Variants in MAML2 observed in about 807,000 individuals in gnomAD.
The protein encoded by MAML2 is mastermind like transcriptional coactivator 2.
In MAML2, 22 loss-of-function variants were observed where a neutral mutation model predicts 96.1. That is an observed-to-expected ratio of 0.23 (90% confidence interval 0.16 to 0.33). MAML2 has a LOEUF of 0.33. MAML2 is among the 10% of genes least tolerant of loss of function. The pLI, the probability that MAML2 is intolerant of heterozygous loss-of-function variation, is 1.00. For synonymous variants in MAML2, 561 were observed against 521.3 expected, an observed-to-expected ratio of 1.08 and a Z score of -1.04; for missense variants, 1,367 against 1,392.4, an observed-to-expected ratio of 0.98 and a Z score of 0.29.
intron 1 of MAML2, among the ~76,000 whole-genome samples, chr11:96,183,069 T>G (rs1861513667): frequency 6.6e-6 from 1 of 151,242 alleles, no homozygotes; most frequent in African/African-American, 2.4e-5. Flanking sequence ...GTGATTCTCC[T>G]GCCTCAGCCT....
intron 1 of MAML2, among the ~76,000 whole-genome samples, chr11:96,319,940 T>C (rs1014649504): frequency 6.6e-6 from 1 of 152,330 alleles, no homozygotes; most frequent in African/African-American, 2.4e-5. Flanking sequence ...AAGGAGGTGG[T>C]TGAGATTTTT....
rs537179849 is a variant in MAML2, at chr11:96,092,096, T to TTGC, written c.1932_1934dup (p.Gln665dup). 8.4e-6 allele frequency: 13 copies of TTGC among 1,548,844 alleles called. No individual in the cohort carries two copies. The highest frequency in any genetic ancestry group is 4.8e-5 in the South Asian group (4 of 83,718). Reference sequence around the variant, plus strand: ...GTTGTTGCTGCTGCTGCTGCTGTTGTTGCTGCTGCTGCTGCTGTTGGGCTG... The same window carrying TTGC: ...GTTGTTGCTGCTGCTGCTGCTGTTGTTGCTGCTGCTGCTGCTGCTGTTGGGCTG... On this transcript the variant is annotated inframe_insertion, in exon 2 of 5. Transcript: ENST00000524717. This position sits in a 1 kb window ranked among gnomAD's most constrained non-coding sequence, Gnocchi z 4.1.
At chr11:96,214,934 T>G (rs1862026909) in intron 1 of MAML2, among the ~76,000 whole-genome samples, 1 of 152,230 alleles carries the variant, frequency 6.6e-6, no homozygotes, top group Admixed American at 6.5e-5. Flanking sequence ...GAAAGAACCA[T>G]GTGTCTTTGG....
intron 2 of MAML2, among the ~76,000 whole-genome samples, chr11:96,015,774 C>G (rs950715090): frequency 6.6e-6 from 1 of 152,042 alleles, no homozygotes; most frequent in Non-Finnish European, 1.5e-5. Context: ...AAATTCTGAA[C>G]AAGTTAGTCC....
In MAML2 at chr11:96,243,205, C is replaced by T. The variant is rs151120333; in HGVS notation, c.513+98178G>A. On this transcript the variant is annotated intron_variant, in intron 1 of 4. Transcript: ENST00000524717. ...TATAGCTTCCTTGTCCTTCTCTCTT[C>T]CTTTCCGCTTTTAAATTCTGGAAAA... Among the ~76,000 whole-genome samples the T allele has an allele frequency of 1.3e-3, 202 of 152,310 alleles. 1 individual carries two copies. The highest frequency in any genetic ancestry group is 4.7e-3 in the African/African-American group (196 of 41,570).
chr11:96,060,704 C>T (rs1859143792), intron 2 of MAML2, among the ~76,000 whole-genome samples: 1 of 152,128 alleles, frequency 6.6e-6, no homozygotes, highest in South Asian at 2.1e-4. Flanking sequence ...AGTGCCATTT[C>T]AATGCTACTA....
At chr11:96,180,119 T>C (rs937387014) in intron 1 of MAML2, among the ~76,000 whole-genome samples, 1 of 152,160 alleles carries the variant, frequency 6.6e-6, no homozygotes, top group Non-Finnish European at 1.5e-5. Flanking sequence ...AAGAAGGTCA[T>C]AGCTGAAGAC....
intron 1 of MAML2, among the ~76,000 whole-genome samples, chr11:96,290,511 T>A (rs1863194258): frequency 6.6e-6 from 1 of 152,188 alleles, no homozygotes; most frequent in Non-Finnish European, 1.5e-5. Flanking sequence ...GCCAAACTGA[T>A]TGGTGAGACA....
chr11:95,997,739 A>G (rs17806593), intron 2 of MAML2, among the ~76,000 whole-genome samples: 32,828 of 152,082 alleles, frequency 0.22, 4,225 homozygotes, highest in Non-Finnish European at 0.3. Flanking sequence ...TGAGCTGTAC[A>G]CAAGTGGTCC....
chr11:96,038,939 A>G (rs1339048658), intron 2 of MAML2, among the ~76,000 whole-genome samples: 1 of 152,224 alleles, frequency 6.6e-6, no homozygotes, highest in Non-Finnish European at 1.5e-5. Context: ...AAATGAATGA[A>G]TGAATAAATA....
chr11:96,185,962 TAC>T (rs1257640372), intron 1 of MAML2, among the ~76,000 whole-genome samples: 1 of 152,164 alleles, frequency 6.6e-6, no homozygotes. Flanking sequence ...ACCTTTCAAA[TAC>T]AGACTCCCAG....
At chr11:96,100,057 C>A (rs1429957384) in intron 1 of MAML2, among the ~76,000 whole-genome samples, 1 of 152,164 alleles carries the variant, frequency 6.6e-6, no homozygotes, top group African/African-American at 2.4e-5. Flanking sequence ...GTGTATGAAG[C>A]TTTGTGATGG....
In MAML2 at chr11:96,138,924, A is replaced by G. The variant is rs374323761; in HGVS notation, c.514-45407T>C. Among the ~76,000 whole-genome samples, 584 of 152,302 alleles carry G rather than the reference A, an allele frequency of 3.8e-3. 4 individuals are homozygous for G. The highest frequency in any genetic ancestry group is 0.021 in the South Asian group (101 of 4,820). Reference sequence around the variant, plus strand: ...TCTTCTACCATAAAATGCTGGTAAGAAAGAGATTTCACAACCCATTCTAAA... The same window carrying G: ...TCTTCTACCATAAAATGCTGGTAAGGAAGAGATTTCACAACCCATTCTAAA... On this transcript the variant is annotated intron_variant, in intron 1 of 4. Coordinates refer to ENST00000524717, the MANE Select transcript of MAML2 (RefSeq NM_032427.4).
intron 2 of MAML2, among the ~76,000 whole-genome samples, chr11:96,016,869 T>C (rs550497472): frequency 1.2e-3 from 178 of 152,322 alleles, no homozygotes; most frequent in Non-Finnish European, 2.1e-3. Flanking sequence ...AGAAACTCTA[T>C]AGAAAAGATT....
At chr11:96,129,476 C>A (rs1860508619) in intron 1 of MAML2, among the ~76,000 whole-genome samples, 2 of 152,118 alleles carry the variant, frequency 1.3e-5, no homozygotes, top group Admixed American at 1.3e-4. Context: ...TTACTTTATA[C>A]CCTTGGCTGC....
At chr11:96,264,984 C>A (rs948164329) in intron 1 of MAML2, among the ~76,000 whole-genome samples, 1 of 152,160 alleles carries the variant, frequency 6.6e-6, no homozygotes. Flanking sequence ...AGTTAGCAGA[C>A]GGTCAGGAAT....
intron 1 of MAML2, among the ~76,000 whole-genome samples, chr11:96,138,649 G>A (rs370061093): frequency 1.3e-5 from 2 of 152,106 alleles, no homozygotes; most frequent in African/African-American, 4.8e-5. Flanking sequence ...AATGATTGCC[G>A]GGTAAACCAC....
chr11:96,023,917 GA>G (rs1029274481), intron 2 of MAML2, among the ~76,000 whole-genome samples: 1 of 152,156 alleles, frequency 6.6e-6, no homozygotes, highest in Non-Finnish European at 1.5e-5. Flanking sequence ...AATAAGGACA[GA>G]ATCATCTTAA....
intron 2 of MAML2, among the ~76,000 whole-genome samples, chr11:96,003,442 TGTATGCCTTTAAAATCAAAA>T (rs1858129518): frequency 6.6e-6 from 1 of 152,108 alleles, no homozygotes; most frequent in African/African-American, 2.4e-5. Flanking sequence ...TTTCCCCACA[TGTATGCCTTTAAAATCAAAA>T]GTACTTTAAA....
Sources: gnomAD v4.1 joint callset for allele counts (sites outside exome capture counted in the v4.1 genomes callset) on GRCh38, gnomAD v4.1.1 for gene constraint, Gnocchi (gnomAD v3.1) non-coding constraint, MANE v1.5 for transcripts, NCBI Gene and HGNC (gene_info 2026-07-23, HGNC 2026-07-21) for gene names.